The following TAF1A variants were observed in gnomAD, a reference collection of about 807,000 sequenced individuals.
TAF1A encodes the protein TATA-box binding protein associated factor, RNA polymerase I subunit A.
Under a neutral mutation model 61.6 loss-of-function variants are expected in TAF1A, and 42 were observed. That is an observed-to-expected ratio of 0.68 (90% confidence interval 0.53 to 0.88). TAF1A has a LOEUF of 0.88. TAF1A is among the 40% of genes least tolerant of loss of function. The pLI is 0.00. For synonymous variants in TAF1A, 179 were observed against 177.7 expected (o/e 1.01, Z -0.06); for missense variants, 424 against 518.7 (o/e 0.82, Z 1.77).
chr1:222,564,424 A>C (rs1473989442), intron 7 of TAF1A, among the ~76,000 whole-genome samples: 1 of 151,878 alleles, frequency 6.6e-6, no homozygotes, highest in Non-Finnish European at 1.5e-5. Context: ...ACTGTTTACC[A>C]CGCTCAACAA....
intron 8 of TAF1A, among the ~76,000 whole-genome samples, chr1:222,563,771 A>G (rs1336498947): frequency 6.6e-6 from 1 of 152,238 alleles, no homozygotes; most frequent in East Asian, 1.9e-4. Context: ...TCTCTTTTGC[A>G]AACTACTGCC....
rs190453524 is a variant in TAF1A, at chr1:222,586,233, C to A, written c.122-1936G>T. 9.3e-4 allele frequency among the ~76,000 whole-genome samples: 141 copies of A among 152,260 alleles called. 1 individual carries two copies. Among genetic ancestry groups the A allele is most frequent in the African/African-American group, 2.9e-3 (121 of 41,548 alleles). On this transcript the variant is annotated intron_variant, in intron 2 of 10. Transcript: ENST00000352967. Reference sequence around the variant, plus strand: ...AAGCTGCATTTTATAAGATCTACACCAAAGCTGCTCGGCATCAGTGGCAAT... The same window carrying A: ...AAGCTGCATTTTATAAGATCTACACAAAAGCTGCTCGGCATCAGTGGCAAT...
At chr1:222,589,598 C>G (rs1486105181) in intron 1 of TAF1A, 129 bp downstream of exon 1, 1 of 153,920 alleles carries the variant, frequency 6.5e-6, no homozygotes, top group Non-Finnish European at 1.4e-5. Flanking sequence ...CTATCCCCTT[C>G]TTTCGTTTTC....
intron 7 of TAF1A, among the ~76,000 whole-genome samples, chr1:222,567,303 C>A (rs1165994806): frequency 7.2e-6 from 1 of 138,026 alleles, no homozygotes; most frequent in Non-Finnish European, 1.6e-5. Context: ...GAGGAGCAGG[C>A]AATGAGGAGT....
At chr1:222,585,675 T>C (rs1322615534) in intron 2 of TAF1A, among the ~76,000 whole-genome samples, 1 of 150,714 alleles carries the variant, frequency 6.6e-6, no homozygotes, top group Non-Finnish European at 1.5e-5. Context: ...TAGCAATGTC[T>C]CAACCTAGAA....
chr1:222,557,581 G>A (rs1659747519), downstream of TAF1A, among the ~76,000 whole-genome samples: 1 of 151,334 alleles, frequency 6.6e-6, no homozygotes, highest in Non-Finnish European at 1.5e-5. Context: ...CTCCCAAATA[G>A]CTAGGACTAC....
intron 2 of TAF1A, among the ~76,000 whole-genome samples, chr1:222,584,728 A>G (rs1660943761): frequency 6.6e-6 from 1 of 152,222 alleles, no homozygotes; most frequent in African/African-American, 2.4e-5. Flanking sequence ...TTTAAGGACC[A>G]AATTCCTAGT....
chr1:222,582,006 C>T (rs1558152810), intron 3 of TAF1A, among the ~76,000 whole-genome samples: 1 of 152,160 alleles, frequency 6.6e-6, no homozygotes, highest in South Asian at 2.1e-4. Context: ...GTTTCATATA[C>T]ACCTATACAT....
intron 3 of TAF1A, 48 bp downstream of exon 3, chr1:222,584,080 A>T: frequency 6.3e-7 from 1 of 1,586,530 alleles, no homozygotes; most frequent in Non-Finnish European, 8.5e-7. Flanking sequence ...GTAGGCATAA[A>T]CTTCTGGGAA....
At chr1:222,578,928 T>C (rs1220238510) in intron 4 of TAF1A, among the ~76,000 whole-genome samples, 2 of 152,238 alleles carry the variant, frequency 1.3e-5, no homozygotes, top group African/African-American at 4.8e-5. Flanking sequence ...TCAGTTTCTT[T>C]ACTTCAACTG....
At chr1:222,566,233 T>C (rs543715034) in intron 7 of TAF1A, among the ~76,000 whole-genome samples, 1 of 152,182 alleles carries the variant, frequency 6.6e-6, no homozygotes, top group Non-Finnish European at 1.5e-5. Context: ...TACACATCAC[T>C]AGACATTAGG....
At chr1:222,573,912 A>G (rs1660460767) in intron 5 of TAF1A, among the ~76,000 whole-genome samples, 1 of 152,224 alleles carries the variant, frequency 6.6e-6, no homozygotes, top group African/African-American at 2.4e-5. Flanking sequence ...AATTCTATTC[A>G]GTAATAGAAA....
Position 222,558,791 on chromosome 1 carries a change from T to TA in TAF1A, c.1241-20dup. 1 of 1,353,278 alleles carries TA rather than the reference T, an allele frequency of 7.4e-7. No homozygotes were observed. The highest frequency in any genetic ancestry group is 1.0e-6 in the Non-Finnish European group (1 of 991,614). 83.8% of individuals were successfully genotyped at this position (1,353,278 alleles called of 1,614,324 possible). ...CTACAACCTAAAAAGTTAAGCAAAA[T>TA]AAAAAGTTTTAATACTCATCACATT... is the stretch of plus-strand genomic sequence containing the variant. On this transcript the variant is annotated intron_variant, in intron 10 of 10. Coordinates refer to ENST00000352967, the MANE Select transcript of TAF1A (RefSeq NM_005681.4).
chr1:222,586,394 C>T (rs994220953), intron 2 of TAF1A, among the ~76,000 whole-genome samples: 2 of 152,218 alleles, frequency 1.3e-5, no homozygotes, highest in Middle Eastern at 3.2e-3. Context: ...TATAAATTGA[C>T]TTTAGATAAC....
At chr1:222,567,037 C>T (rs967467028) in intron 7 of TAF1A, among the ~76,000 whole-genome samples, 4 of 152,134 alleles carry the variant, frequency 2.6e-5, no homozygotes, top group African/African-American at 9.7e-5. Flanking sequence ...AGCCAAACAA[C>T]AAACACAACC....
intron 3 of TAF1A, among the ~76,000 whole-genome samples, chr1:222,583,692 G>C (rs1199166262): frequency 1.3e-5 from 2 of 152,042 alleles, no homozygotes; most frequent in African/African-American, 2.4e-5. Context: ...CAAAAAATTA[G>C]CCGGGCGTGG....
Position 222,569,597 on chromosome 1 carries a change from A to G in TAF1A, c.807T>C (p.Phe269=). The change falls in exon 7 of 11, where the codon TTT becomes TTC. Residue 269 remains phenylalanine, a synonymous_variant. Transcript: ENST00000352967. The part of the protein sequence containing the change: ...VLTNYAYDEK[F]PSNPNAHIYL... ...AGATATGGGCATTTGGATTTGATGG[A>G]AACTTTTCATCATATGCATAATTGG... 6.2e-7 allele frequency: 1 copy of G among 1,614,058 alleles called. No individual in the cohort carries two copies. The highest frequency in any genetic ancestry group is 1.1e-5 in the South Asian group (1 of 91,080).
At chr1:222,584,395 T>G in intron 2 of TAF1A, 98 bp from the exon 3 acceptor site, 2 of 1,160,478 alleles carry the variant, frequency 1.7e-6, no homozygotes, top group Non-Finnish European at 1.2e-6. Flanking sequence ...AAGTAAACAG[T>G]AGGCATTACT....
At chr1:222,557,881 TTTTTTTTTTTTTTTTTTTTTG>T (rs1659762827), downstream of TAF1A, 1 of 113,764 alleles carries the variant, frequency 8.8e-6, no homozygotes, top group South Asian at 3.2e-4. Context: ...AGTCTTTTTG[TTTTTTTTTTTTTTTTTTTTTG>T]AGACAGAGTC....
Sources: gnomAD v4.1 joint callset for allele counts (sites outside exome capture counted in the v4.1 genomes callset) on GRCh38, gnomAD v4.1.1 for gene constraint, MANE v1.5 for transcripts, NCBI Gene and HGNC (gene_info 2026-07-23, HGNC 2026-07-21) for gene names.